GYS2: variants seen among roughly 807,000 people sequenced by gnomAD.
The protein encoded by GYS2 is glycogen [starch] synthase, liver.
A neutral mutation model predicts 85.6 loss-of-function variants in GYS2; 80 were observed. The observed-to-expected ratio is 0.93, with a 90% confidence interval of 0.78 to 1.13. The LOEUF (loss-of-function observed/expected upper bound fraction) is 1.13. Ranked by LOEUF, GYS2 falls within the 50% of genes most tolerant of loss-of-function variation. The pLI is 0.00. For missense variants in GYS2, 881 were observed against 854.9 expected, an observed-to-expected ratio of 1.03 and a Z score of -0.38; for synonymous variants, 328 against 300.7, an observed-to-expected ratio of 1.09 and a Z score of -0.94.
At chr12:21,539,237 A>G in intron 15 of GYS2, 21 bp downstream of exon 15, 1 of 1,400,534 alleles carries the variant, frequency 7.1e-7, no homozygotes, top group Non-Finnish European at 1.0e-6. Flanking sequence ...GCTTTCAAAA[A>G]AAAATACATT....
chr12:21,533,892 T>C (rs555279658), downstream of GYS2, among the ~76,000 whole-genome samples: 36 of 152,306 alleles, frequency 2.4e-4, no homozygotes, highest in African/African-American at 8.4e-4. Flanking sequence ...CAGTGTCTGG[T>C]AGAAGGCCCA....
rs908203664 is a variant in GYS2, at chr12:21,574,059, T to A, written c.678+85A>T. The A allele has an allele frequency of 1.4e-5, 15 of 1,086,938 alleles. No individual in the cohort carries two copies. The Admixed American group carries it at 1.4e-4, about 10-fold the overall frequency. The allele number at this position is 1,086,938 out of a possible 1,614,324, so 67.3% of individuals were successfully genotyped here. On this transcript the variant is annotated intron_variant, in intron 4 of 15. Coordinates refer to ENST00000261195, the MANE Select transcript of GYS2 (RefSeq NM_021957.4). ...GCATTTCTGCCATCTGGTTGGCAGA[T>A]GAAATGTACAGATCAATACTTATCT...
chr12:21,582,130 A>C (rs1372541643), intron 1 of GYS2, among the ~76,000 whole-genome samples: 1 of 152,212 alleles, frequency 6.6e-6, no homozygotes. Flanking sequence ...CAGAATCTAC[A>C]AGGAACTCAA....
chr12:21,579,746 A>T (rs1441210467), intron 2 of GYS2, among the ~76,000 whole-genome samples: 1 of 152,078 alleles, frequency 6.6e-6, no homozygotes, highest in East Asian at 1.9e-4. Context: ...CTCTGCTTTC[A>T]TTGGCACATC....
In GYS2 at chr12:21,574,148, T is replaced by A. The variant is rs763520736; in HGVS notation, c.674A>T (p.Asp225Val). The change falls in exon 4 of 16, where the codon GAT becomes GTT. Residue 225 changes from aspartate (D) to valine (V), a missense_variant. Asp to Val is a radical substitution (Grantham distance 152, BLOSUM62 -3). Coordinates refer to ENST00000261195, the MANE Select transcript of GYS2 (RefSeq NM_021957.4). ...AANIDFYNHL[D>V]KFNIDKEAGE... ...GAGGGAGGAAGGAATATTTACCTTA[T>A]CAAGATGGTTGTAGAAATCAATATT... 2.5e-6 allele frequency: 4 copies of A among 1,608,052 alleles called. No individual in the cohort carries two copies. In the East Asian group the frequency reaches 8.9e-5, roughly 36 times the overall value.
Position 21,575,955 on chromosome 12 carries a change from C to T in GYS2, c.406G>A (p.Glu136Lys). ...TAAGGAATGCCGACACTGCATGCTTCCCAGAGGTCACCCTTCCACCTGTCC... is the reference window on the plus strand; with the variant it reads ...TAAGGAATGCCGACACTGCATGCTTTCCAGAGGTCACCCTTCCACCTGTCC... Reference protein sequence around the residue: ...NLDRWKGDLWEACSVGIPYHD... With the variant: ...NLDRWKGDLWKACSVGIPYHD... Residue 136 changes from glutamate (E) to lysine (K), a missense_variant, in exon 3 of 16, where the codon GAA (glutamate) becomes AAA (lysine). By Grantham distance (56) the Glu-to-Lys change is moderately conservative. Coordinates refer to ENST00000261195, the MANE Select transcript of GYS2 (RefSeq NM_021957.4). 6.2e-7 allele frequency: 1 copy of T among 1,613,818 alleles called. No individual in the cohort carries two copies. Among genetic ancestry groups the T allele is most frequent in the Non-Finnish European group, 8.5e-7 (1 of 1,179,738 alleles).
At position 21,536,654 on chromosome 12, in the gene GYS2, A is replaced by T; in HGVS notation, c.*300T>A. 2.4e-6 allele frequency: 1 copy of T among 408,430 alleles called. No individual in the cohort carries two copies. The highest frequency in any genetic ancestry group is 2.3e-5 in the South Asian group (1 of 42,606). The allele number at this position is 408,430 out of a possible 1,614,324, so 25.3% of individuals were successfully genotyped here. ...ATGATCATTTAAAAATAAACAGAGT[A>T]AGAGAAAATCCTTACCACTTAAATT... On this transcript the variant is annotated 3_prime_UTR_variant, in exon 16 of 16. Coordinates refer to ENST00000261195, the MANE Select transcript of GYS2 (RefSeq NM_021957.4).
chr12:21,547,619 G>A (rs973993183), intron 11 of GYS2, among the ~76,000 whole-genome samples: 1 of 152,190 alleles, frequency 6.6e-6, no homozygotes, highest in Non-Finnish European at 1.5e-5. Flanking sequence ...CGTCAGGGGT[G>A]AGGGAGGGAT....
At chr12:21,590,184 A>G (rs10841852) in intron 1 of GYS2, among the ~76,000 whole-genome samples, 86,041 of 151,976 alleles carry the variant, frequency 0.57, 25,600 homozygotes, top group East Asian at 0.83. Flanking sequence ...GAGCAGGGCA[A>G]CAATGCAGTA....
rs1943920302 is a variant in GYS2, at chr12:21,537,193, A to G, written c.1891-18T>C. ...CCTTCTGTCTGCCAAAGACAAAAATAAGACATAAACATCACAACAGTTTCT... is the reference window on the plus strand; with the variant it reads ...CCTTCTGTCTGCCAAAGACAAAAATGAGACATAAACATCACAACAGTTTCT... On this transcript the variant is annotated intron_variant, in intron 15 of 15. Coordinates refer to ENST00000261195, the MANE Select transcript of GYS2 (RefSeq NM_021957.4). The G allele has an allele frequency of 1.9e-6, 3 of 1,570,020 alleles. No homozygotes were observed. Among genetic ancestry groups the G allele is most frequent in the Non-Finnish European group, 2.6e-6 (3 of 1,140,254 alleles).
chr12:21,559,205 C>G, intron 9 of GYS2, 36 bp from the exon 10 acceptor site: 1 of 1,151,738 alleles, frequency 8.7e-7, no homozygotes. Flanking sequence ...AAAATAAAAA[C>G]AGCTGGCACT....
intron 4 of GYS2, 29 bp downstream of exon 4, chr12:21,574,115 G>C: frequency 6.5e-7 from 1 of 1,543,590 alleles, no homozygotes; most frequent in Non-Finnish European, 9.0e-7. Flanking sequence ...AGAAGGGTGA[G>C]TAAGAGGGAG....
At chr12:21,564,725 T>C (rs1042891266) in intron 5 of GYS2, among the ~76,000 whole-genome samples, 25 of 152,318 alleles carry the variant, frequency 1.6e-4, no homozygotes, top group Non-Finnish European at 3.5e-4. Flanking sequence ...TGTATTTATC[T>C]TTCTACAGCA....
intron 11 of GYS2, among the ~76,000 whole-genome samples, chr12:21,550,960 A>T (rs1471901598): frequency 1.3e-5 from 2 of 151,948 alleles, no homozygotes; most frequent in Non-Finnish European, 2.9e-5. Flanking sequence ...AGAAAGAGAG[A>T]AAGAAGACAA....
At chr12:21,561,475 T>A (rs545291291) in intron 7 of GYS2, among the ~76,000 whole-genome samples, 4 of 150,576 alleles carry the variant, frequency 2.7e-5, no homozygotes, top group Non-Finnish European at 5.9e-5. Flanking sequence ...AATAGGAAAC[T>A]CACCCTAGGA....
chr12:21,586,425 A>ATCTG (rs1555159854), intron 1 of GYS2, among the ~76,000 whole-genome samples: 1 of 139,500 alleles, frequency 7.2e-6, no homozygotes, highest in South Asian at 2.2e-4. Context: ...ATCTATATCT[A>ATCTG]TCTATCTATC....
intron 5 of GYS2, among the ~76,000 whole-genome samples, chr12:21,565,410 T>G (rs1206276932): frequency 8.1e-6 from 1 of 122,920 alleles, no homozygotes; most frequent in African/African-American, 3.3e-5. Flanking sequence ...TATATATATA[T>G]ATATATATAT....
intron 11 of GYS2, 133 bp downstream of exon 11, chr12:21,558,067 A>G: frequency 2.9e-6 from 2 of 686,754 alleles, no homozygotes; most frequent in Non-Finnish European, 5.3e-6. Flanking sequence ...AAGACAAGAA[A>G]CTGAACCCAT....
chr12:21,551,533 G>T (rs778072906), intron 11 of GYS2, among the ~76,000 whole-genome samples: 1 of 150,862 alleles, frequency 6.6e-6, no homozygotes, highest in Non-Finnish European at 1.5e-5. Context: ...AAAAAAGTCT[G>T]AAGTCTTTGT....
Sources: gnomAD v4.1 joint callset for allele counts (sites outside exome capture counted in the v4.1 genomes callset) on GRCh38, gnomAD v4.1.1 for gene constraint, MANE v1.5 for transcripts, NCBI Gene and HGNC (gene_info 2026-07-23, HGNC 2026-07-21) for gene names.